PSMD14: variants seen among roughly 807,000 people sequenced by gnomAD.
PSMD14 encodes proteasome 26S subunit, non-ATPase 14.
PSMD14 carries 7 observed loss-of-function variants against 41.2 expected under a neutral mutation model. The ratio of observed to expected loss-of-function variants is 0.17; its 90% CI spans 0.10 to 0.32. The LOEUF (loss-of-function observed/expected upper bound fraction) is 0.32, where lower values mean the gene tolerates loss of function less well. Ranked by LOEUF, PSMD14 falls within the 10% of genes least tolerant of loss-of-function variation. The pLI is 1.00. For synonymous variants in PSMD14, 114 were observed against 122.3 expected, an observed-to-expected ratio of 0.93 and a Z score of 0.45; for missense variants, 139 against 375.6, an observed-to-expected ratio of 0.37 and a Z score of 5.21.
intron 3 of PSMD14, among the ~76,000 whole-genome samples, chr2:161,327,506 T>C (rs774095083): frequency 2.0e-5 from 3 of 152,130 alleles, no homozygotes; most frequent in African/African-American, 4.8e-5. Context: ...GTCAGGTGCA[T>C]AGCAGATACC....
At chr2:161,354,447 G>A (rs923911838) in intron 3 of PSMD14, among the ~76,000 whole-genome samples, 6 of 152,126 alleles carry the variant, frequency 3.9e-5, no homozygotes, top group African/African-American at 9.7e-5. Context: ...GTTTCGTCAT[G>A]TTGCCCAGGC....
intron 3 of PSMD14, among the ~76,000 whole-genome samples, chr2:161,346,569 C>T (rs1683045746): frequency 6.7e-6 from 1 of 148,484 alleles, no homozygotes; most frequent in South Asian, 2.2e-4. Flanking sequence ...TGAGTCTTAT[C>T]TCGTGTGCTG....
chr2:161,339,240 T>C (rs1682914059), intron 3 of PSMD14, among the ~76,000 whole-genome samples: 1 of 152,216 alleles, frequency 6.6e-6, no homozygotes, highest in African/African-American at 2.4e-5. Context: ...ATTGGTTGTA[T>C]CATTTATATT....
intron 7 of PSMD14, among the ~76,000 whole-genome samples, chr2:161,379,120 C>T (rs940602468): frequency 4.6e-5 from 7 of 152,036 alleles, no homozygotes; most frequent in Admixed American, 2.6e-4. Context: ...TATTGCTTTG[C>T]TTTATATGGA....
chr2:161,392,692 C>T (rs2105267115), intron 9 of PSMD14, among the ~76,000 whole-genome samples: 1 of 152,056 alleles, frequency 6.6e-6, no homozygotes, highest in East Asian at 1.9e-4. Flanking sequence ...GCAAGGGGAT[C>T]TTATAATGCT....
intron 3 of PSMD14, among the ~76,000 whole-genome samples, chr2:161,358,013 G>A (rs767314401): frequency 6.6e-6 from 1 of 151,580 alleles, no homozygotes; most frequent in Non-Finnish European, 1.5e-5. Flanking sequence ...TCTTGATTAA[G>A]CACCAGAAAA....
At chr2:161,409,998 A>G (rs1301429775) in intron 11 of PSMD14, among the ~76,000 whole-genome samples, 1 of 152,104 alleles carries the variant, frequency 6.6e-6, no homozygotes, top group Non-Finnish European at 1.5e-5. Context: ...TTCCAAGGCC[A>G]TAGTTTCTTG....
intron 7 of PSMD14, chr2:161,381,706 C>T (rs1216845226): frequency 6.6e-6 from 1 of 151,766 alleles, no homozygotes; most frequent in South Asian, 2.1e-4. Flanking sequence ...ATGGTTTAAA[C>T]TGAGTTTTAA....
chr2:161,357,069 C>A (rs1338648468), intron 3 of PSMD14, among the ~76,000 whole-genome samples: 2 of 69,100 alleles, frequency 2.9e-5, no homozygotes, highest in African/African-American at 6.9e-5. Flanking sequence ...GTTATAATGG[C>A]AAATGCCTTT....
chr2:161,394,465 A>G (rs889156260), intron 9 of PSMD14, among the ~76,000 whole-genome samples: 2 of 152,152 alleles, frequency 1.3e-5, no homozygotes, highest in Admixed American at 6.5e-5. Flanking sequence ...CACTCAATAA[A>G]TGGGGCATTT....
chr2:161,380,039 C>T (rs1335309613), intron 7 of PSMD14, among the ~76,000 whole-genome samples: 1 of 152,006 alleles, frequency 6.6e-6, no homozygotes, highest in African/African-American at 2.4e-5. Context: ...GTTGAAAGAT[C>T]TGAGCTGGGC....
At chr2:161,391,058 G>T (rs1247064214) in intron 8 of PSMD14, 46 bp from the exon 9 acceptor site, 2 of 1,397,540 alleles carry the variant, frequency 1.4e-6, no homozygotes, top group Admixed American at 2.8e-5. Context: ...TTTTTATTAG[G>T]TGAAAAATAT....
chr2:161,342,588 G>A (rs1175836826), intron 3 of PSMD14, among the ~76,000 whole-genome samples: 1 of 150,944 alleles, frequency 6.6e-6, no homozygotes, highest in Non-Finnish European at 1.5e-5. Flanking sequence ...TGTAGGCAGC[G>A]TGTAGTTAGA....
At chr2:161,341,382 C>T in intron 3 of PSMD14, 1 of 873,786 alleles carries the variant, frequency 1.1e-6, no homozygotes, top group East Asian at 1.1e-4. Context: ...CCCGCCGCGC[C>T]CCGTCCTTTG....
chr2:161,408,612 A>G (rs958851045), intron 10 of PSMD14: 20 of 457,222 alleles, frequency 4.4e-5, no homozygotes, highest in African/African-American at 7.9e-5. Flanking sequence ...GATATTTTCA[A>G]TACTTTCTGT....
intron 7 of PSMD14, chr2:161,384,254 A>G (rs1292436241): frequency 6.6e-6 from 1 of 151,598 alleles, no homozygotes; most frequent in Non-Finnish European, 1.5e-5. Context: ...ACTTGTCATC[A>G]TGTTTTAGTC....
At chr2:161,410,146 C>G (rs1230350950) in intron 11 of PSMD14, among the ~76,000 whole-genome samples, 1 of 152,072 alleles carries the variant, frequency 6.6e-6, no homozygotes, top group Non-Finnish European at 1.5e-5. Flanking sequence ...TACTGCATGG[C>G]AAAAGCAAAA....
intron 3 of PSMD14, among the ~76,000 whole-genome samples, chr2:161,366,182 G>A (rs1269018260): frequency 6.6e-6 from 1 of 152,126 alleles, no homozygotes; most frequent in Non-Finnish European, 1.5e-5. Context: ...GATAATAGAT[G>A]AAGAATTTGG....
chr2:161,356,915 G>A (rs1683213282), intron 3 of PSMD14, among the ~76,000 whole-genome samples: 2 of 151,124 alleles, frequency 1.3e-5, no homozygotes, highest in African/African-American at 2.4e-5. Context: ...TTAATCAGCA[G>A]GTATTTTAAT....
Sources: gnomAD v4.1 joint callset for allele counts (sites outside exome capture counted in the v4.1 genomes callset) on GRCh38, gnomAD v4.1.1 for gene constraint, MANE v1.5 for transcripts, NCBI Gene and HGNC (gene_info 2026-07-23, HGNC 2026-07-21) for gene names.